Variants in ARL15 observed in about 807,000 individuals in gnomAD.
ARL15 encodes ADP-ribosylation factor-like protein 15.
Under a neutral mutation model 25.2 loss-of-function variants are expected in ARL15, and 19 were observed. That is an observed-to-expected ratio of 0.75 (90% CI 0.53 to 1.10). The LOEUF (loss-of-function observed/expected upper bound fraction) is 1.10, where lower values mean the gene tolerates loss of function less well. ARL15 is among the 50% of genes least tolerant of loss of function. ARL15 has a pLI of 0.00. For synonymous variants in ARL15, 94 were observed against 86.8 expected (o/e 1.08, Z -0.46); for missense variants, 220 against 246.0 (o/e 0.89, Z 0.71).
intron 4 of ARL15, among the ~76,000 whole-genome samples, chr5:54,076,762 T>C (rs1303086657): frequency 6.6e-6 from 1 of 151,364 alleles, no homozygotes; most frequent in Non-Finnish European, 1.5e-5. Flanking sequence ...ATAAAATTCA[T>C]AGTGTTAATA....
At chr5:54,080,172 A>G (rs536210144) in intron 4 of ARL15, among the ~76,000 whole-genome samples, 5 of 152,226 alleles carry the variant, frequency 3.3e-5, no homozygotes, top group African/African-American at 4.8e-5. Context: ...AAAACACAGG[A>G]CATAGGAATT....
chr5:53,977,284 A>T (rs943418343), intron 4 of ARL15, among the ~76,000 whole-genome samples: 79 of 143,968 alleles, frequency 5.5e-4, no homozygotes, highest in African/African-American at 1.9e-3. Context: ...TGAACCCGGG[A>T]GGCGGAGCTT....
chr5:54,145,702 T>C (rs1166332780), intron 3 of ARL15, among the ~76,000 whole-genome samples: 2 of 152,178 alleles, frequency 1.3e-5, no homozygotes. Context: ...ATGGAGTTGG[T>C]ATTCATTAAA....
At chr5:54,031,371 C>G (rs772468669) in intron 4 of ARL15, among the ~76,000 whole-genome samples, 1 of 152,016 alleles carries the variant, frequency 6.6e-6, no homozygotes, top group Admixed American at 6.6e-5. Context: ...GATGAATAGA[C>G]GACATTCTAT....
chr5:54,269,798 A>G lies in ARL15; in HGVS notation c.48+40634T>C, dbSNP rs1757733395. Among the ~76,000 whole-genome samples, 3 of 152,142 alleles carry G rather than the reference A, an allele frequency of 2.0e-5. No individual in the cohort carries two copies. In the South Asian group the frequency reaches 6.2e-4, roughly 31 times the overall value. ...TTAGCTGGGATTACAGATGCCTGCC[A>G]CCACACCCAGCTAATTTTTTGTATT... On this transcript the variant is annotated intron_variant, in intron 1 of 4. Transcript: ENST00000504924.
chr5:53,900,369 C>T (rs62372371), intron 4 of ARL15, among the ~76,000 whole-genome samples: 1 of 152,282 alleles, frequency 6.6e-6, no homozygotes, highest in Non-Finnish European at 1.5e-5. Context: ...CTGCTTATAA[C>T]AGGCATTATA....
intron 4 of ARL15, among the ~76,000 whole-genome samples, chr5:54,034,572 G>T (rs767382964): frequency 1.4e-4 from 21 of 152,056 alleles, no homozygotes; most frequent in Non-Finnish European, 2.8e-4. Flanking sequence ...CTGTAGGCAG[G>T]CATAACAAAT....
At chr5:54,215,790 T>A (rs985255844) in intron 1 of ARL15, among the ~76,000 whole-genome samples, 1 of 83,580 alleles carries the variant, frequency 1.2e-5, no homozygotes, top group African/African-American at 4.6e-5. Flanking sequence ...CCTGTTTCAG[T>A]CAGGGGTGGG....
intron 4 of ARL15, among the ~76,000 whole-genome samples, chr5:53,977,257 G>A (rs1747963517): frequency 6.6e-6 from 1 of 151,468 alleles, no homozygotes; most frequent in Non-Finnish European, 1.5e-5. Flanking sequence ...CTCGGAGGCT[G>A]AGGCAGGAGA....
At position 54,280,101 on chromosome 5, in the gene ARL15, T is replaced by G. The variant is rs114623757; in HGVS notation, c.48+30331A>C. ...GAAGCCCCATCCATCCAGCCAAGAC[T>G]TCTCAGGAATACATGGCATTGTAAA... On this transcript the variant is annotated intron_variant, in intron 1 of 4. Coordinates refer to ENST00000504924, the MANE Select transcript of ARL15 (RefSeq NM_019087.3). 1.1e-3 allele frequency among the ~76,000 whole-genome samples: 168 copies of G among 152,340 alleles called. 1 individual carries two copies. The highest frequency in any genetic ancestry group is 3.8e-3 in the African/African-American group (160 of 41,580).
Position 54,277,717 on chromosome 5 carries a change from A to T in ARL15, c.48+32715T>A, listed in dbSNP as rs1269270773. Among the ~76,000 whole-genome samples, 4 of 152,092 alleles carry T rather than the reference A, an allele frequency of 2.6e-5. No homozygotes were observed. In the East Asian group the frequency reaches 7.7e-4, roughly 29 times the overall value. On this transcript the variant is annotated intron_variant, in intron 1 of 4. Transcript: ENST00000504924. ...CAGTGAGCCGAGATCGTGCCACTGC[A>T]CTCCAGGCTGGGTGACAGAGTGAGA...
intron 4 of ARL15, among the ~76,000 whole-genome samples, chr5:53,989,137 C>T (rs867752935): frequency 9.9e-5 from 15 of 152,152 alleles, no homozygotes; most frequent in African/African-American, 3.6e-4. Flanking sequence ...CTTCTACCAC[C>T]CACCAGGCAA....
intron 1 of ARL15, among the ~76,000 whole-genome samples, chr5:54,280,352 T>A (rs1758024127): frequency 6.6e-6 from 1 of 152,222 alleles, no homozygotes. Flanking sequence ...CATGTTTAGC[T>A]TTCAAGTAAC....
intron 1 of ARL15, among the ~76,000 whole-genome samples, chr5:54,272,736 T>G (rs1215643237): frequency 6.6e-6 from 1 of 152,222 alleles, no homozygotes; most frequent in Non-Finnish European, 1.5e-5. Flanking sequence ...CCTTTTAAAA[T>G]TATCATTATA....
chr5:53,923,825 A>T (rs1321315453), intron 4 of ARL15, among the ~76,000 whole-genome samples: 2 of 152,170 alleles, frequency 1.3e-5, no homozygotes, highest in Non-Finnish European at 2.9e-5. Context: ...AGGTTGCGCC[A>T]CTGCACTCCA....
At chr5:54,176,790 A>T (rs557167714) in intron 1 of ARL15, among the ~76,000 whole-genome samples, 1 of 152,290 alleles carries the variant, frequency 6.6e-6, no homozygotes, top group South Asian at 2.1e-4. Context: ...GCAATACATC[A>T]TGCTACTAAG....
chr5:53,929,170 CAA>C (rs3990747), intron 4 of ARL15, among the ~76,000 whole-genome samples: 97,924 of 142,292 alleles, frequency 0.69, 33,337 homozygotes, highest in Non-Finnish European at 0.74. Context: ...AAATAAGTTC[CAA>C]AAAAAAAAAA....
At chr5:54,174,884 C>G (rs1010509026) in intron 1 of ARL15, among the ~76,000 whole-genome samples, 1 of 152,182 alleles carries the variant, frequency 6.6e-6, no homozygotes, top group African/African-American at 2.4e-5. Flanking sequence ...GGACAGACAA[C>G]AAAACTAGTC....
chr5:54,247,765 C>T (rs1757128366), intron 1 of ARL15, among the ~76,000 whole-genome samples: 1 of 151,994 alleles, frequency 6.6e-6, no homozygotes, highest in Non-Finnish European at 1.5e-5. Context: ...TATAGAACAT[C>T]CTTACTCAAT....
Sources: gnomAD v4.1 joint callset for allele counts (sites outside exome capture counted in the v4.1 genomes callset) on GRCh38, gnomAD v4.1.1 for gene constraint, MANE v1.5 for transcripts, NCBI Gene and HGNC (gene_info 2026-07-23, HGNC 2026-07-21) for gene names.